KCNH8: variants seen among roughly 807,000 people sequenced by gnomAD.
KCNH8 encodes voltage-gated delayed rectifier potassium channel KCNH8.
KCNH8 carries 70 observed loss-of-function variants against 103.6 expected under a neutral mutation model. The ratio of observed to expected loss-of-function variants is 0.68; its 90% CI spans 0.56 to 0.82. KCNH8 has a LOEUF of 0.82. Among genes scored for constraint, KCNH8 ranks in the 40% least tolerant of loss-of-function variants. The pLI is 0.00. For missense variants in KCNH8, 1,217 were observed against 1,329.9 expected, an observed-to-expected ratio of 0.92 and a Z score of 1.32; for synonymous variants, 498 against 489.4, an observed-to-expected ratio of 1.02 and a Z score of -0.23.
intron 11 of KCNH8, among the ~76,000 whole-genome samples, chr3:19,500,500 A>G (rs1031489373): frequency 3.3e-5 from 5 of 152,122 alleles, no homozygotes; most frequent in Non-Finnish European, 7.4e-5. Context: ...TCAGCACCAC[A>G]CCTATTCCAA....
chr3:19,253,996 A>C, intron 2 of KCNH8, 109 bp downstream of exon 2: 1 of 712,630 alleles, frequency 1.4e-6, no homozygotes, highest in Non-Finnish European at 2.4e-6. Flanking sequence ...TTTCACATAC[A>C]TGCAGGCTGT....
intron 1 of KCNH8, among the ~76,000 whole-genome samples, chr3:19,194,307 ATCATCTTTAT>A (rs2063580204): frequency 6.6e-6 from 1 of 151,840 alleles, no homozygotes; most frequent in Non-Finnish European, 1.5e-5. Context: ...TGTTATCTTC[ATCATCTTTAT>A]TCCTTTTCTT....
chr3:19,468,914 A>G (rs937113475), intron 11 of KCNH8, among the ~76,000 whole-genome samples: 8 of 152,242 alleles, frequency 5.3e-5, no homozygotes, highest in Non-Finnish European at 1.0e-4. Flanking sequence ...CAATTCAAGA[A>G]TGTACTGAAA....
intron 8 of KCNH8, chr3:19,448,802 A>G (rs2067400291): frequency 8.0e-6 from 2 of 250,290 alleles, no homozygotes; most frequent in East Asian, 9.6e-5. Flanking sequence ...ATTTTACCCA[A>G]CACATAAGCT....
At chr3:19,491,103 T>C (rs964537241) in intron 11 of KCNH8, among the ~76,000 whole-genome samples, 2 of 152,208 alleles carry the variant, frequency 1.3e-5, no homozygotes, top group Non-Finnish European at 2.9e-5. Flanking sequence ...AATGAAATTA[T>C]TCAGATAGCC....
rs73180800 is a variant in KCNH8 at position 19,176,814 on chromosome 3, G to T, written c.76+28019G>T. On this transcript the variant is annotated intron_variant, in intron 1 of 15. Coordinates refer to ENST00000328405, the MANE Select transcript of KCNH8 (RefSeq NM_144633.3). ...TGCTCTATAAAATTGTATAAACACT[G>T]AATTAGCAAATACTTGACCATTTCT... is the stretch of plus-strand genomic sequence containing the variant. Among the ~76,000 whole-genome samples, 477 of 152,162 alleles carry T rather than the reference G, an allele frequency of 3.1e-3. 4 individuals carry two copies. Among genetic ancestry groups the T allele is most frequent in the African/African-American group, 0.01 (433 of 41,532 alleles).
At chr3:19,228,756 C>G (rs574776616) in intron 1 of KCNH8, among the ~76,000 whole-genome samples, 1 of 152,180 alleles carries the variant, frequency 6.6e-6, no homozygotes, top group Non-Finnish European at 1.5e-5. Context: ...AAAAGTAGAA[C>G]ATTCACTGGA....
At chr3:19,510,851 T>G (rs2068771517) in intron 12 of KCNH8, among the ~76,000 whole-genome samples, 1 of 152,178 alleles carries the variant, frequency 6.6e-6, no homozygotes, top group Non-Finnish European at 1.5e-5. Context: ...CCGAAAAAAC[T>G]AATTTGTTAA....
chr3:19,296,560 C>T (rs1173649158), intron 3 of KCNH8, among the ~76,000 whole-genome samples: 1 of 152,158 alleles, frequency 6.6e-6, no homozygotes, highest in Admixed American at 6.5e-5. Context: ...CACTTTTGAT[C>T]CCAGTAATTT....
At chr3:19,465,699 A>G (rs2067721019) in intron 11 of KCNH8, among the ~76,000 whole-genome samples, 1 of 151,580 alleles carries the variant, frequency 6.6e-6, no homozygotes. Flanking sequence ...GCCATTAAGA[A>G]TATGTGTGAT....
rs190430263 is a variant in KCNH8 at position 19,152,699 on chromosome 3, G to T, written c.76+3904G>T. ...GCCTGTAATCCCAGCACTTTGGGAG[G>T]CTGAGGCGGGCAGATCACTTGAGGC... On this transcript the variant is annotated intron_variant, in intron 1 of 15. Transcript: ENST00000328405. Among the ~76,000 whole-genome samples, 80 of 152,338 alleles carry T rather than the reference G, an allele frequency of 5.3e-4. 1 individual carries two copies. Among genetic ancestry groups the T allele is most frequent in the Admixed American group, 2.0e-3 (31 of 15,310 alleles).
chr3:19,296,986 TATTA>T (rs1343274612), intron 3 of KCNH8, among the ~76,000 whole-genome samples: 4 of 152,178 alleles, frequency 2.6e-5, no homozygotes, highest in African/African-American at 4.8e-5. Context: ...ATATATTATT[TATTA>T]ATTCCATCTT....
chr3:19,223,850 A>G (rs987750945), intron 1 of KCNH8, among the ~76,000 whole-genome samples: 1 of 152,212 alleles, frequency 6.6e-6, no homozygotes, highest in Non-Finnish European at 1.5e-5. Context: ...TTTAAAGGTT[A>G]TATAGATATT....
intron 2 of KCNH8, among the ~76,000 whole-genome samples, chr3:19,267,342 T>C (rs1184213357): frequency 6.6e-6 from 1 of 152,004 alleles, no homozygotes; most frequent in African/African-American, 2.4e-5. Context: ...GAATACGTAT[T>C]TTACTCTACC....
At chr3:19,267,225 C>T (rs967674232) in intron 2 of KCNH8, among the ~76,000 whole-genome samples, 6 of 152,042 alleles carry the variant, frequency 3.9e-5, no homozygotes, top group African/African-American at 1.4e-4. Context: ...GGGGAAAGCA[C>T]CTGAGAAGAC....
At chr3:19,300,214 C>A (rs9883894) in intron 3 of KCNH8, among the ~76,000 whole-genome samples, 110,226 of 151,052 alleles carry the variant, frequency 0.73, 40,888 homozygotes, top group African/African-American at 0.86. Flanking sequence ...GCACCACTGC[C>A]CTCCAGCCTG....
intron 11 of KCNH8, among the ~76,000 whole-genome samples, chr3:19,504,143 A>G (rs1406195707): frequency 6.6e-6 from 1 of 152,144 alleles, no homozygotes; most frequent in East Asian, 1.9e-4. Context: ...AGCCATATGC[A>G]GAAGATTGGA....
intron 2 of KCNH8, among the ~76,000 whole-genome samples, chr3:19,258,943 CTCTCTA>C (rs1322270796): frequency 8.9e-3 from 474 of 53,280 alleles, no homozygotes; most frequent in Admixed American, 0.017. Flanking sequence ...CTCTCTCTCT[CTCTCTA>C]TATATATATA....
chr3:19,264,689 C>T (rs1015032425), intron 2 of KCNH8, among the ~76,000 whole-genome samples: 102 of 152,226 alleles, frequency 6.7e-4, no homozygotes, highest in African/African-American at 2.3e-3. Flanking sequence ...TGACTTTGCA[C>T]AGACAACTTC....
Sources: allele counts gnomAD v4.1 joint callset (sites outside exome capture counted in the v4.1 genomes callset), GRCh38; gene constraint gnomAD v4.1.1; transcripts MANE v1.5; gene names NCBI Gene and HGNC (gene_info 2026-07-23, HGNC 2026-07-21).